The following PTPRM variants were observed in gnomAD, a reference collection of about 807,000 sequenced individuals.
PTPRM encodes the protein receptor-type tyrosine-protein phosphatase mu.
In PTPRM, 47 loss-of-function variants were observed where a neutral mutation model predicts 186.7. The observed-to-expected ratio is 0.25, with a 90% CI of 0.20 to 0.32. PTPRM has a LOEUF of 0.32. PTPRM is among the 10% of genes least tolerant of loss of function. PTPRM has a pLI of 1.00. For missense variants in PTPRM, 1,494 were observed against 1,865.0 expected (o/e 0.80, Z 3.66); for synonymous variants, 668 against 674.9 (o/e 0.99, Z 0.16).
rs572401028 is a variant in PTPRM at position 7,937,362 on chromosome 18, G to A, written c.663+10679G>A. Among the ~76,000 whole-genome samples, 7 of 152,322 alleles carry A rather than the reference G, an allele frequency of 4.6e-5. No homozygotes were observed. In the East Asian group the frequency reaches 1.4e-3, roughly 30 times the overall value. ...GGTGCCACCACGTTCCCCATTGCCA[G>A]CCTTGGAAGCTGCTTGCAGGGAGCT... On this transcript the variant is annotated intron_variant, in intron 5 of 32. Coordinates refer to ENST00000580170, the MANE Select transcript of PTPRM (RefSeq NM_001105244.2).
In PTPRM at chr18:7,949,188, A is replaced by G. The variant is rs1243017678; in HGVS notation, c.671A>G (p.Asp224Gly). 5 of 1,603,656 alleles carry G rather than the reference A, an allele frequency of 3.1e-6. No individual in the cohort carries two copies. In the African/African-American group the frequency reaches 4.0e-5, roughly 13 times the overall value. ...CCACCCCACTTGATACAGGGCATTG[A>G]TGTGCGAGATGCTCCTCTGAAGGAA... Reference protein sequence around the residue: ...AGDRLWLQGIDVRDAPLKEIK... With the variant: ...AGDRLWLQGIGVRDAPLKEIK... Residue 224 changes from aspartate (D) to glycine (G), a missense_variant, in exon 6 of 33, where the codon GAT becomes GGT. Asp to Gly is a moderately conservative substitution (Grantham distance 94). Transcript: ENST00000580170.
intron 2 of PTPRM, among the ~76,000 whole-genome samples, chr18:7,813,104 G>A (rs764361748): frequency 1.2e-4 from 18 of 152,166 alleles, no homozygotes; most frequent in Non-Finnish European, 2.2e-4. Flanking sequence ...CTTTCTAGAG[G>A]GTCTCTTTCT....
chr18:7,755,704 A>T (rs752540922), intron 1 of PTPRM, among the ~76,000 whole-genome samples: 1 of 152,228 alleles, frequency 6.6e-6, no homozygotes, highest in Non-Finnish European at 1.5e-5. Flanking sequence ...CCTTTTATTT[A>T]GAAAATCCTA....
At chr18:8,162,758 C>A (rs543878781) in intron 14 of PTPRM, among the ~76,000 whole-genome samples, 3 of 152,328 alleles carry the variant, frequency 2.0e-5, no homozygotes, top group African/African-American at 7.2e-5. Context: ...GTATCCATTC[C>A]TCTCTCCACC....
At chr18:8,014,313 G>C (rs2084722529) in intron 7 of PTPRM, among the ~76,000 whole-genome samples, 1 of 152,138 alleles carries the variant, frequency 6.6e-6, no homozygotes, top group South Asian at 2.1e-4. Flanking sequence ...TTCATGATAA[G>C]TAATCTTTTG....
intron 1 of PTPRM, among the ~76,000 whole-genome samples, chr18:7,654,129 T>A (rs913025411): frequency 6.6e-6 from 1 of 152,240 alleles, no homozygotes; most frequent in Non-Finnish European, 1.5e-5. Flanking sequence ...TTGAAAATTA[T>A]CTCTGTTCTT....
intron 14 of PTPRM, among the ~76,000 whole-genome samples, chr18:8,185,385 C>T (rs113732589): frequency 6.6e-6 from 1 of 152,148 alleles, no homozygotes; most frequent in Non-Finnish European, 1.5e-5. Context: ...ATTCTACACG[C>T]GTAAACTGAG....
rs374074249 is a variant in PTPRM at position 7,774,302 on chromosome 18, A to G, written c.196+31A>G. ...CTTTTAGTTTTAAGTTTTGTTTTAA[A>G]GAGGAACACAAGAGTCTCAATCATA... On this transcript the variant is annotated intron_variant, in intron 2 of 32. Transcript: ENST00000580170. The G allele has an allele frequency of 4.3e-6, 7 of 1,609,566 alleles. No individual in the cohort carries two copies. The East Asian group carries it at 1.3e-4, about 31-fold the overall frequency.
chr18:7,916,721 A>G (rs1275972880), intron 4 of PTPRM, among the ~76,000 whole-genome samples: 1 of 152,224 alleles, frequency 6.6e-6, no homozygotes, highest in East Asian at 1.9e-4. Flanking sequence ...ACATGTATAC[A>G]ATGTATAATG....
At chr18:7,669,902 T>G (rs2039180525) in intron 1 of PTPRM, among the ~76,000 whole-genome samples, 2 of 151,994 alleles carry the variant, frequency 1.3e-5, no homozygotes, top group African/African-American at 4.8e-5. Flanking sequence ...TTTCTTTTTC[T>G]TTTTTTCTTT....
At chr18:8,346,258 C>T (rs557338677) in intron 23 of PTPRM, among the ~76,000 whole-genome samples, 91 of 152,302 alleles carry the variant, frequency 6.0e-4, no homozygotes, top group African/African-American at 2.1e-3. Context: ...AACCAAATGC[C>T]ACAAGCCAGG....
intron 7 of PTPRM, among the ~76,000 whole-genome samples, chr18:8,009,721 A>C (rs1156514949): frequency 1.3e-5 from 2 of 152,076 alleles, no homozygotes; most frequent in Admixed American, 1.3e-4. Flanking sequence ...AAAATAAATA[A>C]ATAAAAAATA....
chr18:7,770,721 G>A (rs1389028113), intron 1 of PTPRM, among the ~76,000 whole-genome samples: 1 of 152,192 alleles, frequency 6.6e-6, no homozygotes, highest in African/African-American at 2.4e-5. Flanking sequence ...ACCTAAAGCT[G>A]TCCTGAAAAC....
At chr18:7,852,055 A>G (rs1395515369) in intron 2 of PTPRM, among the ~76,000 whole-genome samples, 1 of 152,354 alleles carries the variant, frequency 6.6e-6, no homozygotes, top group Non-Finnish European at 1.5e-5. Flanking sequence ...AGCTACTGGC[A>G]TGGAAATTAT....
At chr18:8,132,526 A>G (rs1322539376) in intron 13 of PTPRM, among the ~76,000 whole-genome samples, 2 of 152,162 alleles carry the variant, frequency 1.3e-5, no homozygotes, top group Admixed American at 1.3e-4. Context: ...AATCCTACTA[A>G]TTATCTTATT....
intron 20 of PTPRM, 63 bp downstream of exon 20, chr18:8,296,518 C>A: frequency 1.6e-6 from 2 of 1,224,022 alleles, no homozygotes; most frequent in Non-Finnish European, 2.4e-6. Context: ...GTAAGATTGA[C>A]CACCAGGCTC....
At chr18:8,104,334 C>A (rs1182828648) in intron 11 of PTPRM, among the ~76,000 whole-genome samples, 1 of 152,154 alleles carries the variant, frequency 6.6e-6, no homozygotes, top group African/African-American at 2.4e-5. Flanking sequence ...TCATTGGAAT[C>A]TCTGGGGTTT....
chr18:7,753,085 AG>A (rs1397556433), intron 1 of PTPRM, among the ~76,000 whole-genome samples: 1 of 152,112 alleles, frequency 6.6e-6, no homozygotes, highest in African/African-American at 2.4e-5. Flanking sequence ...CCAGTTTGGA[AG>A]GGGATACAGG....
At chr18:7,588,476 C>T (rs553120694) in intron 1 of PTPRM, among the ~76,000 whole-genome samples, 1 of 152,248 alleles carries the variant, frequency 6.6e-6, no homozygotes, top group African/African-American at 2.4e-5. Flanking sequence ...TTATAATGCA[C>T]ACCGAATCTA....
Sources: gnomAD v4.1 joint callset for allele counts (sites outside exome capture counted in the v4.1 genomes callset) on GRCh38, gnomAD v4.1.1 for gene constraint, MANE v1.5 for transcripts, NCBI Gene and HGNC (gene_info 2026-07-23, HGNC 2026-07-21) for gene names.